The following SH3BP5 variants were observed in gnomAD, a reference collection of about 807,000 sequenced individuals.
The protein encoded by SH3BP5 is SH3 domain binding protein 5.
SH3BP5 carries 22 observed loss-of-function variants against 43.3 expected under a neutral mutation model. That is an observed-to-expected ratio of 0.51 (90% CI 0.36 to 0.73). The LOEUF (loss-of-function observed/expected upper bound fraction) is 0.73, where lower values mean the gene tolerates loss of function less well. Among genes scored for constraint, SH3BP5 ranks in the 30% least tolerant of loss-of-function variants. The pLI, the probability that SH3BP5 is intolerant of heterozygous loss-of-function variation, is 0.00. For synonymous variants in SH3BP5, 255 were observed against 225.8 expected, an observed-to-expected ratio of 1.13 and a Z score of -1.16; for missense variants, 529 against 586.9, an observed-to-expected ratio of 0.90 and a Z score of 1.02.
upstream of SH3BP5, chr3:15,332,597 C>G (rs920236607): frequency 2.5e-6 from 3 of 1,197,604 alleles, no homozygotes; most frequent in African/African-American, 4.8e-5. Context: ...GAAATGGGCG[C>G]GGCCGCCCCC....
At chr3:15,306,040 C>T (rs1697893695) in intron 2 of SH3BP5, among the ~76,000 whole-genome samples, 1 of 107,718 alleles carries the variant, frequency 9.3e-6, no homozygotes, top group Admixed American at 9.8e-5. Context: ...GAAGGAAGGA[C>T]ACATGCATGA....
intron 3 of SH3BP5, among the ~76,000 whole-genome samples, chr3:15,270,994 C>G (rs1415947954): frequency 6.1e-5 from 8 of 131,672 alleles, no homozygotes; most frequent in African/African-American, 2.3e-4. Flanking sequence ...AGACTTAGTA[C>G]AAAAAAAAAA....
At chr3:15,256,760 G>GC in intron 8 of SH3BP5, 93 bp downstream of exon 8, 1 of 1,380,592 alleles carries the variant, frequency 7.2e-7, no homozygotes, top group Admixed American at 2.4e-5. Flanking sequence ...CAGCATGGGG[G>GC]CCCTGAGACC....
At chr3:15,327,195 T>C (rs1487009403) in intron 2 of SH3BP5, among the ~76,000 whole-genome samples, 2 of 151,262 alleles carry the variant, frequency 1.3e-5, no homozygotes, top group African/African-American at 4.9e-5. Context: ...GACCAGCCAG[T>C]TCGAGACCAG....
intron 3 of SH3BP5, among the ~76,000 whole-genome samples, chr3:15,289,039 G>A (rs1027584454): frequency 6.6e-6 from 1 of 152,218 alleles, no homozygotes; most frequent in Non-Finnish European, 1.5e-5. Flanking sequence ...TAGATACAGA[G>A]ATACAGGCAG....
intron 2 of SH3BP5, among the ~76,000 whole-genome samples, chr3:15,325,456 G>C (rs1698436501): frequency 6.6e-6 from 1 of 152,192 alleles, no homozygotes; most frequent in East Asian, 1.9e-4. Flanking sequence ...CATGGCCTGA[G>C]GCTTGCTCAC....
intron 6 of SH3BP5, 101 bp from the exon 7 acceptor site, chr3:15,259,151 T>C: frequency 2.1e-6 from 2 of 937,836 alleles, no homozygotes; most frequent in Non-Finnish European, 3.3e-6. Context: ...TCATTCTACT[T>C]CAAGGAATTT....
chr3:15,284,219 G>C (rs1697204417), intron 3 of SH3BP5, among the ~76,000 whole-genome samples: 1 of 152,168 alleles, frequency 6.6e-6, no homozygotes, highest in South Asian at 2.1e-4. Context: ...CCCACAGTTT[G>C]ATAAACTCTC....
chr3:15,273,478 C>T (rs1575296302), intron 3 of SH3BP5: 5 of 865,976 alleles, frequency 5.8e-6, no homozygotes, highest in Non-Finnish European at 5.5e-6. Context: ...TCCGGACAAG[C>T]GTCTGAAGTT....
intron 4 of SH3BP5, among the ~76,000 whole-genome samples, chr3:15,265,787 T>C (rs556148948): frequency 6.6e-6 from 1 of 151,762 alleles, no homozygotes; most frequent in South Asian, 2.1e-4. Flanking sequence ...CACCCCATAC[T>C]CCGGAGCAGC....
At chr3:15,313,770 T>C (rs77234603) in intron 2 of SH3BP5, among the ~76,000 whole-genome samples, 3,109 of 152,224 alleles carry the variant, frequency 0.02, 103 homozygotes, top group African/African-American at 0.07. Flanking sequence ...AAGCAAACAC[T>C]TGAAATGTGG....
At chr3:15,313,985 C>A (rs999086007) in intron 2 of SH3BP5, among the ~76,000 whole-genome samples, 3 of 151,852 alleles carry the variant, frequency 2.0e-5, no homozygotes, top group Admixed American at 2.0e-4. Context: ...GCCTATAGTC[C>A]CAACTACATG....
Position 15,258,856 on chromosome 3 carries a change from G to C in SH3BP5, c.864C>G (p.Ser288Arg). The C allele has an allele frequency of 6.2e-7, 1 of 1,614,122 alleles. No individual in the cohort carries two copies. Among genetic ancestry groups the C allele is most frequent in the Non-Finnish European group, 8.5e-7 (1 of 1,180,028 alleles). The change falls in exon 7 of 9, where the codon AGC becomes AGG. Residue 288 changes from serine to arginine, a missense_variant. Ser to Arg is a moderately radical substitution (Grantham distance 110). This residue lies in a region of SH3BP5 where 369 missense variants were observed against 384.3 expected (regional missense o/e 0.96). Coordinates refer to ENST00000383791, the MANE Select transcript of SH3BP5 (RefSeq NM_004844.5). Reference sequence around the variant, plus strand: ...CAGAAATGGCATCAGGCTCAGGTTTGCTCCCTGGCAGATCCTCCACAGATG... The same window carrying C: ...CAGAAATGGCATCAGGCTCAGGTTTCCTCCCTGGCAGATCCTCCACAGATG... The part of the protein sequence containing the change: ...SSTSVEDLPG[S>R]KPEPDAISVA...
chr3:15,265,560 A>ACACACACACACACACACACACAC (rs71045145), intron 4 of SH3BP5, among the ~76,000 whole-genome samples: 71 of 131,728 alleles, frequency 5.4e-4, no homozygotes, highest in African/African-American at 9.8e-4. Flanking sequence ...ACACACACAC[A>ACACACACACACACACACACACAC]ACCCTCCAGC....
intron 1 of SH3BP5, among the ~76,000 whole-genome samples, chr3:15,338,109 A>T (rs1018445933): frequency 1.3e-5 from 2 of 151,676 alleles, no homozygotes; most frequent in East Asian, 3.9e-4. Flanking sequence ...TGGGAGGCCA[A>T]TGTGGGAGGA....
intron 3 of SH3BP5, among the ~76,000 whole-genome samples, 177 bp downstream of exon 3, chr3:15,303,926 C>T (rs1312671536): frequency 1.3e-5 from 2 of 152,132 alleles, no homozygotes; most frequent in Non-Finnish European, 2.9e-5. Flanking sequence ...AGCACTCACA[C>T]CCTATTAATA....
Position 15,254,821 on chromosome 3 carries a change from A to T in SH3BP5, c.*1265T>A, listed in dbSNP as rs1228944784. On this transcript the variant is annotated 3_prime_UTR_variant, in exon 9 of 9. Coordinates refer to ENST00000383791, the MANE Select transcript of SH3BP5 (RefSeq NM_004844.5). ...CCTAGAAGATTTAGGCAATACTGGG[A>T]GTTCTTATTTGAAGTCACAGAAAGG... 6.6e-6 allele frequency: 1 copy of T among 152,226 alleles called. No homozygotes were observed. Among genetic ancestry groups the T allele is most frequent in the East Asian group, 1.9e-4 (1 of 5,202 alleles). The allele number at this position is 152,226 out of a possible 1,614,324, so 9.4% of individuals were successfully genotyped here.
chr3:15,256,037 G>A lies in SH3BP5; in HGVS notation c.*49C>T, dbSNP rs766309027. ...ATGATTATTGGCACAATGTTCTCCAGTTCCATGTATAAATGTTGATATGCA... is the reference window on the plus strand; with the variant it reads ...ATGATTATTGGCACAATGTTCTCCAATTCCATGTATAAATGTTGATATGCA... On this transcript the variant is annotated 3_prime_UTR_variant, in exon 9 of 9. Transcript: ENST00000383791. The A allele has an allele frequency of 2.8e-6, 4 of 1,406,790 alleles. No individual in the cohort carries two copies. The South Asian group carries it at 4.9e-5, about 17-fold the overall frequency. The allele number at this position is 1,406,790 out of a possible 1,614,324, so 87.1% of individuals were successfully genotyped here.
At chr3:15,259,567 A>G in intron 6 of SH3BP5, 194 bp downstream of exon 6, 1 of 684,914 alleles carries the variant, frequency 1.5e-6, no homozygotes, top group Non-Finnish European at 2.7e-6. Context: ...AAGGTGACTG[A>G]ATGGCAGTTA....
Sources: allele counts gnomAD v4.1 joint callset (sites outside exome capture counted in the v4.1 genomes callset), GRCh38; gene constraint gnomAD v4.1.1; regional missense constraint gnomAD v4.1.1; transcripts MANE v1.5; gene names NCBI Gene and HGNC (gene_info 2026-07-23, HGNC 2026-07-21).